The following MRPS6 variants were observed in gnomAD, a reference collection of about 807,000 sequenced individuals.
The protein encoded by MRPS6 is mitochondrial ribosomal protein S6, also known as small ribosomal subunit protein bS6m.
Under a neutral mutation model 13.1 loss-of-function variants are expected in MRPS6, and 6 were observed. The observed-to-expected ratio is 0.46, with a 90% CI of 0.25 to 0.91. The LOEUF is 0.91. Among genes scored for constraint, MRPS6 ranks in the 40% least tolerant of loss-of-function variants. The probability of loss-of-function intolerance (pLI) is 0.18; values close to 1 mark genes in which losing one functional copy is unlikely to be tolerated. For synonymous variants in MRPS6, 61 were observed against 56.5 expected (o/e 1.08, Z -0.36); for missense variants, 164 against 155.6 (o/e 1.05, Z -0.29).
intron 1 of MRPS6, chr21:34,095,327 G>C (rs927845616): frequency 6.2e-7 from 1 of 1,614,110 alleles, no homozygotes; most frequent in African/African-American, 1.3e-5. Context: ...TCCTGGCGGG[G>C]CGCTCTATGA....
intron 1 of MRPS6, among the ~76,000 whole-genome samples, chr21:34,078,306 T>A (rs1989381779): frequency 1.3e-5 from 2 of 152,118 alleles, no homozygotes; most frequent in Admixed American, 1.3e-4. Flanking sequence ...GGTATTAAAT[T>A]TTCTTGGGTT....
chr21:34,100,683 G>A (rs1979196336), intron 1 of MRPS6: 4 of 1,000,214 alleles, frequency 4.0e-6, no homozygotes, highest in Middle Eastern at 1.0e-3. Context: ...GGGTTGTTAT[G>A]CACTTCTGTA....
rs190586790 is a variant in MRPS6 at position 34,101,444 on chromosome 21, A to T, written c.46-23897A>T. ...ATTTGTAAGATTTTGCATTAGCCAGATGCTAGGTTGTTGAAGGCATTTCAG... is the reference window on the plus strand; with the variant it reads ...ATTTGTAAGATTTTGCATTAGCCAGTTGCTAGGTTGTTGAAGGCATTTCAG... On this transcript the variant is annotated intron_variant, in intron 1 of 2. Coordinates refer to ENST00000399312, the MANE Select transcript of MRPS6 (RefSeq NM_032476.4). The T allele has an allele frequency of 1.3e-4, 127 of 1,000,190 alleles. 1 individual carries two copies. In the African/African-American group the frequency reaches 1.9e-3, roughly 15 times the overall value. The allele number at this position is 1,000,190 out of a possible 1,614,324, so 62.0% of individuals were successfully genotyped here. A position where few individuals can be genotyped will look rare whatever the true frequency, so the allele number is the denominator to read the frequency against.
chr21:34,129,262 G>A (rs1980416231), intron 2 of MRPS6, among the ~76,000 whole-genome samples: 1 of 152,098 alleles, frequency 6.6e-6, no homozygotes, highest in African/African-American at 2.4e-5. Flanking sequence ...CGGAGCTTAT[G>A]GTTCTCGGTT....
chr21:34,099,612 TTC>T, intron 1 of MRPS6: 1 of 999,654 alleles, frequency 1.0e-6, no homozygotes. Context: ...GATTTTTTTT[TTC>T]TCCCTTTATT....
intron 1 of MRPS6, among the ~76,000 whole-genome samples, chr21:34,075,213 TTTTG>T (rs1308104775): frequency 6.6e-6 from 1 of 152,230 alleles, no homozygotes; most frequent in Non-Finnish European, 1.5e-5. Flanking sequence ...CTGAAATTCC[TTTTG>T]TTTACTTTCC....
intron 1 of MRPS6, among the ~76,000 whole-genome samples, chr21:34,118,696 G>A (rs1023256624): frequency 6.6e-6 from 1 of 151,686 alleles, no homozygotes; most frequent in Non-Finnish European, 1.5e-5. Context: ...TATATTTTCA[G>A]TAGAGATGGG....
intron 1 of MRPS6, chr21:34,097,379 AACTT>A (rs1388071538): frequency 1.3e-6 from 2 of 1,557,208 alleles, no homozygotes; most frequent in Non-Finnish European, 1.7e-6. Context: ...GTGAGACACT[AACTT>A]AAGACAATAC....
intron 1 of MRPS6, among the ~76,000 whole-genome samples, chr21:34,080,862 T>A (rs75868308): frequency 2.6e-4 from 39 of 152,340 alleles, no homozygotes; most frequent in African/African-American, 8.4e-4. Context: ...GACCTCGTGC[T>A]AGTAGTTTGC....
chr21:34,102,750 G>A lies in MRPS6; in HGVS notation c.46-22591G>A, dbSNP rs1979305240. On this transcript the variant is annotated intron_variant, in intron 1 of 2. Transcript: ENST00000399312. ...TGGTCTCAGATTTTTCGTAGTGTGG[G>A]AACAGTGGTTTTGCTCTATACCACT... 3 of 999,966 alleles carry A rather than the reference G, an allele frequency of 3.0e-6. No individual in the cohort carries two copies. In the South Asian group the frequency reaches 1.4e-4, roughly 47 times the overall value. The allele number at this position is 999,966 out of a possible 1,614,324, so 61.9% of individuals were successfully genotyped here.
rs1378413565 is a variant in MRPS6 at position 34,085,501 on chromosome 21, G to A, written c.45+11756G>A. Reference sequence around the variant, plus strand: ...TTTCCAACAATCTGCATTGGTTTTAGCATCTGTTGGTGACTGAATCAGTTA... The same window carrying A: ...TTTCCAACAATCTGCATTGGTTTTAACATCTGTTGGTGACTGAATCAGTTA... On this transcript the variant is annotated intron_variant, in intron 1 of 2. Coordinates refer to ENST00000399312, the MANE Select transcript of MRPS6 (RefSeq NM_032476.4). Among the ~76,000 whole-genome samples, 3 of 152,060 alleles carry A rather than the reference G, an allele frequency of 2.0e-5. No homozygotes were observed. The East Asian group carries it at 5.8e-4, about 29-fold the overall frequency.
intron 2 of MRPS6, among the ~76,000 whole-genome samples, chr21:34,128,517 A>G (rs1468656189): frequency 6.6e-6 from 1 of 152,196 alleles, no homozygotes; most frequent in African/African-American, 2.4e-5. Flanking sequence ...GATGTTTATT[A>G]TTATATCAAG....
intron 1 of MRPS6, chr21:34,099,403 A>C (rs1001119509): frequency 5.0e-6 from 5 of 1,000,088 alleles, no homozygotes; most frequent in African/African-American, 1.7e-5. Flanking sequence ...CTGTTTTTTC[A>C]AAGGAACTGT....
chr21:34,101,544 CAGAG>C, intron 1 of MRPS6: 1 of 1,000,156 alleles, frequency 1.0e-6, no homozygotes, highest in South Asian at 4.7e-5. Flanking sequence ...ACTTACCATT[CAGAG>C]AGACTGGTCT....
intron 2 of MRPS6, among the ~76,000 whole-genome samples, chr21:34,126,165 C>T (rs62212130): frequency 0.06 from 8,843 of 146,324 alleles, 296 homozygotes; most frequent in Middle Eastern, 0.14. Context: ...GAAGAGTCAG[C>T]TCTCTCTGGC....
intron 1 of MRPS6, among the ~76,000 whole-genome samples, chr21:34,074,192 C>T (rs1192735600): frequency 1.3e-5 from 2 of 150,186 alleles, no homozygotes; most frequent in African/African-American, 4.9e-5. Flanking sequence ...TCCCGCTCCG[C>T]CGCCCGCCGG....
At chr21:34,132,212 A>T (rs1368836106) in intron 2 of MRPS6, among the ~76,000 whole-genome samples, 8 of 151,996 alleles carry the variant, frequency 5.3e-5, no homozygotes, top group Admixed American at 5.2e-4. Flanking sequence ...AAGAGGTTCA[A>T]CTTCGGAGAG....
chr21:34,078,572 T>C (rs1423796168), intron 1 of MRPS6, among the ~76,000 whole-genome samples: 1 of 152,228 alleles, frequency 6.6e-6, no homozygotes, highest in Non-Finnish European at 1.5e-5. Flanking sequence ...ATGCAGACTA[T>C]TGAATCTTCT....
intron 2 of MRPS6, among the ~76,000 whole-genome samples, chr21:34,138,546 CAAAAG>C (rs1980786390): frequency 1.3e-5 from 2 of 151,940 alleles, no homozygotes; most frequent in South Asian, 4.2e-4. Context: ...AGACACTTCT[CAAAAG>C]AAGACATTTA....
Sources: allele counts gnomAD v4.1 joint callset (sites outside exome capture counted in the v4.1 genomes callset), GRCh38; gene constraint gnomAD v4.1.1; transcripts MANE v1.5; gene names NCBI Gene and HGNC (gene_info 2026-07-23, HGNC 2026-07-21).